The following PCLO variants were observed in gnomAD, a reference collection of about 807,000 sequenced individuals.
PCLO encodes the protein piccolo presynaptic cytomatrix protein, also known as protein piccolo.
A neutral mutation model predicts 427.5 loss-of-function variants in PCLO; 82 were observed. The ratio of observed to expected loss-of-function variants is 0.19; its 90% CI spans 0.16 to 0.23. The LOEUF is 0.23. Ranked by LOEUF, PCLO falls within the 10% of genes least tolerant of loss-of-function variation. The pLI, the probability that PCLO is intolerant of heterozygous loss-of-function variation, is 1.00. For missense variants in PCLO, 6,239 were observed against 6,115.9 expected (o/e 1.02, Z -0.67); for synonymous variants, 2,357 against 2,155.4 (o/e 1.09, Z -2.59).
At chr7:82,822,111 T>G (rs1791807817) in intron 20 of PCLO, 1 of 982,284 alleles carries the variant, frequency 1.0e-6, no homozygotes, top group Admixed American at 5.3e-5. Flanking sequence ...TTTTTTTTGG[T>G]ATAAGTCCTG....
intron 15 of PCLO, among the ~76,000 whole-genome samples, chr7:82,836,488 CT>C (rs1419809936): frequency 2.0e-5 from 3 of 151,980 alleles, no homozygotes; most frequent in East Asian, 3.9e-4. Flanking sequence ...CAAAAACTAC[CT>C]TTTCCTATAC....
At chr7:82,870,011 T>C (rs77727178) in intron 10 of PCLO, among the ~76,000 whole-genome samples, 2,580 of 152,054 alleles carry the variant, frequency 0.017, 94 homozygotes, top group African/African-American at 0.059. Context: ...GTCCACACTA[T>C]GCAAAATGAT....
chr7:83,094,251 C>T (rs1177592962), intron 3 of PCLO, among the ~76,000 whole-genome samples: 2 of 137,980 alleles, frequency 1.4e-5, no homozygotes, highest in East Asian at 4.6e-4. Flanking sequence ...CGTCTGTCAC[C>T]AGGCTGGAGT....
At chr7:82,978,887 C>CAT (rs1456029877) in intron 3 of PCLO, among the ~76,000 whole-genome samples, 2 of 151,160 alleles carry the variant, frequency 1.3e-5, no homozygotes, top group African/African-American at 4.9e-5. Context: ...CACACACACA[C>CAT]ACACACACTC....
Position 82,964,583 on chromosome 7 carries a change from A to G in PCLO, c.4017+1188T>C, listed in dbSNP as rs528721741. On this transcript the variant is annotated intron_variant, in intron 4 of 24. Transcript: ENST00000333891. The stretch of plus-strand genomic sequence containing the variant: ...CATAGAGATAGTCAAAGTAGATTTC[A>G]TAAAGTATGATCAGAAAGACAAAAA... 4.6e-5 allele frequency among the ~76,000 whole-genome samples: 7 copies of G among 152,346 alleles called. No individual in the cohort carries two copies. In the East Asian group the frequency reaches 1.3e-3, roughly 29 times the overall value.
intron 3 of PCLO, among the ~76,000 whole-genome samples, chr7:83,001,103 CTT>C (rs1201689633): frequency 2.0e-5 from 3 of 151,914 alleles, no homozygotes; most frequent in African/African-American, 7.3e-5. Flanking sequence ...GGTTTTGATA[CTT>C]GTTTGTTCTA....
chr7:82,897,773 AT>A (rs905007993), intron 9 of PCLO, among the ~76,000 whole-genome samples: 11 of 151,470 alleles, frequency 7.3e-5, no homozygotes, highest in African/African-American at 2.4e-4. Flanking sequence ...TGCTGTACAC[AT>A]TTTTTTAATA....
intron 2 of PCLO, among the ~76,000 whole-genome samples, chr7:83,138,546 A>T (rs1424409282): frequency 1.3e-5 from 2 of 152,096 alleles, no homozygotes; most frequent in African/African-American, 4.8e-5. Flanking sequence ...CTGCAGTCCC[A>T]GCCATTTGGG....
chr7:82,812,842 C>A (rs1032065230), intron 20 of PCLO, among the ~76,000 whole-genome samples: 2 of 151,220 alleles, frequency 1.3e-5, no homozygotes, highest in Admixed American at 6.6e-5. Flanking sequence ...GAAGCATTTT[C>A]TTTCTTGCTG....
intron 3 of PCLO, among the ~76,000 whole-genome samples, chr7:82,992,359 T>C (rs539328340): frequency 6.6e-6 from 1 of 152,158 alleles, no homozygotes; most frequent in African/African-American, 2.4e-5. Context: ...ACAGTTAATA[T>C]CAAACAAAAC....
chr7:83,151,115 A>C (rs1420906145), intron 2 of PCLO, among the ~76,000 whole-genome samples: 1 of 152,154 alleles, frequency 6.6e-6, no homozygotes, highest in Non-Finnish European at 1.5e-5. Flanking sequence ...GGAGTTAGAG[A>C]AACTGGCCAT....
intron 7 of PCLO, among the ~76,000 whole-genome samples, chr7:82,912,858 A>T (rs1794356148): frequency 1.3e-5 from 2 of 151,938 alleles, no homozygotes; most frequent in African/African-American, 2.4e-5. Flanking sequence ...GATAAATCAA[A>T]CTCTCTTTAG....
Position 82,899,942 on chromosome 7 carries a change from T to C in PCLO, c.13528+2709A>G, listed in dbSNP as rs937417675. Among the ~76,000 whole-genome samples, 26 of 151,594 alleles carry C rather than the reference T, an allele frequency of 1.7e-4. 1 individual carries two copies. The highest frequency in any genetic ancestry group is 4.4e-5 in the Non-Finnish European group (3 of 67,668). On this transcript the variant is annotated intron_variant, in intron 9 of 24. Coordinates refer to ENST00000333891, the MANE Select transcript of PCLO (RefSeq NM_033026.6). Reference sequence around the variant, plus strand: ...ATTTGAAGATTTCCATTATACATCATGAAAAAATAATTTTGGCATTGTTAG... The same window carrying C: ...ATTTGAAGATTTCCATTATACATCACGAAAAAATAATTTTGGCATTGTTAG...
chr7:82,830,697 A>T (rs1053014693), intron 16 of PCLO, among the ~76,000 whole-genome samples: 9 of 152,040 alleles, frequency 5.9e-5, no homozygotes, highest in Admixed American at 6.6e-5. Flanking sequence ...AGTTCTAAAA[A>T]ATACATAATT....
intron 3 of PCLO, among the ~76,000 whole-genome samples, chr7:82,993,935 A>G (rs1045623291): frequency 3.3e-5 from 5 of 152,038 alleles, no homozygotes; most frequent in African/African-American, 1.2e-4. Context: ...TAAGAATGAC[A>G]ATAAACTAGG....
chr7:83,112,575 T>A lies in PCLO; in HGVS notation c.3300+21675A>T, dbSNP rs1791033466. On this transcript the variant is annotated intron_variant, in intron 3 of 24. Coordinates refer to ENST00000333891, the MANE Select transcript of PCLO (RefSeq NM_033026.6). ...TTAGCCATAAATTTCAGAGAATATT[T>A]CTCATGTCAGTATATTCTTGTTGGT... Among the ~76,000 whole-genome samples the A allele has an allele frequency of 2.0e-5, 3 of 152,178 alleles. No individual in the cohort carries two copies. In the South Asian group the frequency reaches 6.2e-4, roughly 32 times the overall value.
intron 6 of PCLO, among the ~76,000 whole-genome samples, chr7:82,923,831 G>C (rs1221893223): frequency 6.6e-6 from 1 of 152,004 alleles, no homozygotes; most frequent in Non-Finnish European, 1.5e-5. Flanking sequence ...CATCAATATA[G>C]GTAATAAATA....
chr7:83,024,744 C>T (rs568433013), intron 3 of PCLO, among the ~76,000 whole-genome samples: 32 of 152,292 alleles, frequency 2.1e-4, no homozygotes, highest in African/African-American at 5.8e-4. Context: ...TCTCCCAGTA[C>T]GCAGCTGGAG....
chr7:83,007,540 T>C (rs1787977306), intron 3 of PCLO, among the ~76,000 whole-genome samples: 1 of 151,636 alleles, frequency 6.6e-6, no homozygotes, highest in African/African-American at 2.4e-5. Context: ...CTTATTTCTA[T>C]ATAGAGAAAT....
Sources: gnomAD v4.1 joint callset for allele counts (sites outside exome capture counted in the v4.1 genomes callset) on GRCh38, gnomAD v4.1.1 for gene constraint, MANE v1.5 for transcripts, NCBI Gene and HGNC (gene_info 2026-07-23, HGNC 2026-07-21) for gene names.